Variants in CADPS2 observed in about 807,000 individuals in gnomAD.
CADPS2 encodes the protein calcium dependent secretion activator 2, also known as calcium-dependent secretion activator 2.
Under a neutral mutation model 172.5 loss-of-function variants are expected in CADPS2, and 93 were observed. The observed-to-expected ratio is 0.54, with a 90% CI of 0.46 to 0.64. The LOEUF (loss-of-function observed/expected upper bound fraction) is 0.64, where lower values mean the gene tolerates loss of function less well. CADPS2 is among the 30% of genes least tolerant of loss of function. The pLI is 0.00. For synonymous variants in CADPS2, 546 were observed against 555.2 expected (o/e 0.98, Z 0.23); for missense variants, 1,420 against 1,565.9 (o/e 0.91, Z 1.57).
chr7:122,765,918 T>C (rs2093535348), intron 1 of CADPS2, among the ~76,000 whole-genome samples: 1 of 152,124 alleles, frequency 6.6e-6, no homozygotes, highest in African/African-American at 2.4e-5. Context: ...ATTGTGAAGA[T>C]GAATAGACAA....
At chr7:122,805,064 C>A (rs1240298843) in intron 1 of CADPS2, among the ~76,000 whole-genome samples, 1 of 152,108 alleles carries the variant, frequency 6.6e-6, no homozygotes, top group Non-Finnish European at 1.5e-5. Flanking sequence ...CTACAAGTTT[C>A]TTAAGAACAA....
In CADPS2 at chr7:122,554,578, C is replaced by A. The variant is rs1392815613; in HGVS notation, c.1447G>T (p.Asp483Tyr). Residue 483 changes from aspartate (D) to tyrosine (Y), a missense_variant, in exon 8 of 30, where the codon GAT becomes TAT. Asp to Tyr is a radical substitution (Grantham distance 160, BLOSUM62 -3). Coordinates refer to ENST00000449022, the MANE Select transcript of CADPS2 (RefSeq NM_017954.11). ...DLKIKLAVRM[D>Y]KPAHMKHSGY... ...CTATGCTTCATATGTGCTGGTTTAT[C>A]CATTCGCACTGCCAGTTTGATTTTT... 6.2e-7 allele frequency: 1 copy of A among 1,610,538 alleles called. No individual in the cohort carries two copies. The highest frequency in any genetic ancestry group is 8.5e-7 in the Non-Finnish European group (1 of 1,178,334).
intron 24 of CADPS2, among the ~76,000 whole-genome samples, chr7:122,383,926 T>C (rs747121374): frequency 2.0e-5 from 3 of 152,142 alleles, no homozygotes; most frequent in African/African-American, 7.2e-5. Context: ...AATTGCCATA[T>C]TAATGTGTTT....
chr7:122,337,684 G>A (rs1175525860), intron 28 of CADPS2, among the ~76,000 whole-genome samples: 3 of 150,842 alleles, frequency 2.0e-5, no homozygotes, highest in Admixed American at 6.6e-5. Flanking sequence ...ACATTACAAT[G>A]AGGATTATTA....
chr7:122,353,880 T>G (rs2039007443), intron 27 of CADPS2, among the ~76,000 whole-genome samples: 1 of 152,214 alleles, frequency 6.6e-6, no homozygotes, highest in Non-Finnish European at 1.5e-5. Context: ...TAGTCCTATC[T>G]TCTTGACTGA....
intron 28 of CADPS2, among the ~76,000 whole-genome samples, chr7:122,344,320 T>C (rs1015239166): frequency 1.8e-4 from 27 of 152,242 alleles, no homozygotes; most frequent in African/African-American, 9.7e-5. Context: ...ATCTGTATTG[T>C]GGTGAATTAT....
chr7:122,645,467 A>G (rs111203896), intron 3 of CADPS2, among the ~76,000 whole-genome samples: 1,516 of 75,098 alleles, frequency 0.02, 73 homozygotes, highest in African/African-American at 0.05. Flanking sequence ...ATATATGTGT[A>G]TATATGTATA....
intron 4 of CADPS2, among the ~76,000 whole-genome samples, chr7:122,622,176 G>T (rs1206943277): frequency 6.6e-6 from 1 of 152,128 alleles, no homozygotes; most frequent in Non-Finnish European, 1.5e-5. Context: ...GATATGCGTT[G>T]TTGGAAGAGT....
At chr7:122,834,339 G>A (rs1295120682) in intron 1 of CADPS2, among the ~76,000 whole-genome samples, 2 of 152,188 alleles carry the variant, frequency 1.3e-5, no homozygotes, top group Non-Finnish European at 2.9e-5. Context: ...AATAGGAACA[G>A]CTCCAGTCTA....
chr7:122,675,464 A>C (rs2082290195), intron 2 of CADPS2, among the ~76,000 whole-genome samples: 1 of 152,246 alleles, frequency 6.6e-6, no homozygotes, highest in East Asian at 1.9e-4. Context: ...CACCAAGGTG[A>C]GTTAAATGAT....
At chr7:122,639,282 A>G (rs1000919250) in intron 3 of CADPS2, among the ~76,000 whole-genome samples, 1 of 152,200 alleles carries the variant, frequency 6.6e-6, no homozygotes. Flanking sequence ...TATTTTCGAC[A>G]TAATTTATTT....
chr7:122,578,464 A>T (rs1203441898), intron 7 of CADPS2, among the ~76,000 whole-genome samples: 1 of 152,126 alleles, frequency 6.6e-6, no homozygotes, highest in Non-Finnish European at 1.5e-5. Context: ...CAGTTCATGT[A>T]GATCAGGGAT....
At chr7:122,528,988 GC>G (rs1348812942) in intron 8 of CADPS2, among the ~76,000 whole-genome samples, 1 of 151,834 alleles carries the variant, frequency 6.6e-6, no homozygotes, top group Non-Finnish European at 1.5e-5. Flanking sequence ...TTAAATAAGT[GC>G]CACTTTTATT....
chr7:122,621,284 T>A (rs1489105427), intron 5 of CADPS2, among the ~76,000 whole-genome samples, 197 bp downstream of exon 5: 4 of 152,182 alleles, frequency 2.6e-5, no homozygotes, highest in Non-Finnish European at 2.9e-5. Context: ...TTAATCCTAA[T>A]ATTGTTGTTA....
intron 28 of CADPS2, among the ~76,000 whole-genome samples, chr7:122,328,159 ACG>A (rs1491422126): frequency 1.4e-4 from 15 of 109,458 alleles, no homozygotes; most frequent in East Asian, 2.1e-4. Context: ...ACACACACAC[ACG>A]CACGCACACA....
At chr7:122,871,999 AC>A (rs1423754182) in intron 1 of CADPS2, among the ~76,000 whole-genome samples, 3 of 151,890 alleles carry the variant, frequency 2.0e-5, no homozygotes, top group Non-Finnish European at 4.4e-5. Context: ...ATATGACAAC[AC>A]TCAAATTTAA....
chr7:122,447,605 G>A (rs552064635), intron 15 of CADPS2, among the ~76,000 whole-genome samples: 15 of 137,244 alleles, frequency 1.1e-4, no homozygotes, highest in African/African-American at 3.3e-4. Context: ...CTAGGCTGGA[G>A]TGCAGTCAGG....
intron 1 of CADPS2, among the ~76,000 whole-genome samples, chr7:122,852,450 G>A (rs1041854385): frequency 1.6e-4 from 25 of 152,198 alleles, no homozygotes; most frequent in Non-Finnish European, 3.4e-4. Flanking sequence ...GCAAAACAGG[G>A]AAGGAAAGTA....
chr7:122,667,934 G>T (rs377002793), intron 2 of CADPS2, among the ~76,000 whole-genome samples: 27 of 152,282 alleles, frequency 1.8e-4, no homozygotes, highest in Non-Finnish European at 2.9e-4. Flanking sequence ...GGCCACGTGG[G>T]GGGAGGGAGG....
Sources: allele counts gnomAD v4.1 joint callset (sites outside exome capture counted in the v4.1 genomes callset), GRCh38; gene constraint gnomAD v4.1.1; transcripts MANE v1.5; gene names NCBI Gene and HGNC (gene_info 2026-07-23, HGNC 2026-07-21).